FARP1: variants seen among roughly 807,000 people sequenced by gnomAD.
FARP1 encodes FERM, ARHGEF and pleckstrin domain-containing protein 1.
FARP1 carries 52 observed loss-of-function variants against 128.8 expected under a neutral mutation model. That is an observed-to-expected ratio of 0.40 (90% CI 0.32 to 0.51). The LOEUF is 0.51. FARP1 is among the 20% of genes least tolerant of loss of function. FARP1 has a pLI of 0.45. For synonymous variants in FARP1, 580 were observed against 551.8 expected (o/e 1.05, Z -0.72); for missense variants, 1,333 against 1,367.9 (o/e 0.97, Z 0.40).
rs887214343 is a variant in FARP1, at chr13:98,451,675, CTT to C, written c.*3359_*3360del. 3.3e-5 allele frequency: 5 copies of C among 152,280 alleles called. No homozygotes were observed. Among genetic ancestry groups the C allele is most frequent in the African/African-American group, 9.7e-5 (4 of 41,444 alleles). 9.4% of individuals were successfully genotyped at this position (152,280 alleles called of 1,614,324 possible). A position where few individuals can be genotyped will look rare whatever the true frequency, so the allele number is the denominator to read the frequency against. ...ACTTCCTTGCTTCCAAAAATCCTGT[CTT>C]AACTCCACAAGAACTGGCACACCCA... On this transcript the variant is annotated 3_prime_UTR_variant, in exon 27 of 27. Transcript: ENST00000319562.
chr13:98,231,239 T>C (rs1566771689), intron 2 of FARP1, among the ~76,000 whole-genome samples: 1 of 151,912 alleles, frequency 6.6e-6, no homozygotes, highest in Non-Finnish European at 1.5e-5. Flanking sequence ...GCCAAGCTGA[T>C]ATTTGGACGG....
At chr13:98,336,137 G>T (rs1375119370) in intron 2 of FARP1, among the ~76,000 whole-genome samples, 1 of 152,146 alleles carries the variant, frequency 6.6e-6, no homozygotes, top group Non-Finnish European at 1.5e-5. Flanking sequence ...ACCTATAGAA[G>T]GAATGGTGTC....
At chr13:98,361,182 G>A (rs772390450) in intron 3 of FARP1, among the ~76,000 whole-genome samples, 3 of 152,122 alleles carry the variant, frequency 2.0e-5, no homozygotes, top group Non-Finnish European at 4.4e-5. Context: ...TTCTCCCTCA[G>A]CTCTGCAATC....
intron 2 of FARP1, 142 bp downstream of exon 2, chr13:98,213,555 T>A: frequency 1.2e-6 from 1 of 818,290 alleles, no homozygotes; most frequent in Non-Finnish European, 1.9e-6. Context: ...CGCCCCCCAA[T>A]GGCCCCGCTG....
intron 1 of FARP1, among the ~76,000 whole-genome samples, chr13:98,212,986 G>T (rs2139325076): frequency 6.6e-6 from 1 of 152,236 alleles, no homozygotes; most frequent in African/African-American, 2.4e-5. Flanking sequence ...AACGAGAAAG[G>T]AATAAAATAT....
chr13:98,239,944 C>T (rs764971923), intron 2 of FARP1, among the ~76,000 whole-genome samples: 2 of 152,254 alleles, frequency 1.3e-5, no homozygotes, highest in South Asian at 2.1e-4. Flanking sequence ...CAGGTAACTT[C>T]ATCAGGAAGA....
chr13:98,181,503 G>A (rs1303132890), intron 1 of FARP1, among the ~76,000 whole-genome samples: 2 of 151,756 alleles, frequency 1.3e-5, no homozygotes, highest in Non-Finnish European at 2.9e-5. Context: ...ACTTGTTTGG[G>A]AAGAAGTGAT....
intron 2 of FARP1, among the ~76,000 whole-genome samples, chr13:98,230,023 G>A (rs1882024440): frequency 6.6e-6 from 1 of 152,148 alleles, no homozygotes; most frequent in African/African-American, 2.4e-5. Context: ...TTCCTAGCAG[G>A]CAGCCTGATG....
At chr13:98,147,782 G>T (rs1277088287) in intron 1 of FARP1, among the ~76,000 whole-genome samples, 1 of 151,678 alleles carries the variant, frequency 6.6e-6, no homozygotes, top group South Asian at 2.1e-4. Context: ...TCAGTCTCCC[G>T]AGTAGCTGTG....
intron 16 of FARP1, among the ~76,000 whole-genome samples, chr13:98,422,739 C>G (rs1404133829): frequency 6.6e-6 from 1 of 152,148 alleles, no homozygotes; most frequent in African/African-American, 2.4e-5. Flanking sequence ...TTGCCCTCTT[C>G]TGTTCGTCAG....
At chr13:98,190,813 C>A (rs1355071821) in intron 1 of FARP1, among the ~76,000 whole-genome samples, 1 of 150,516 alleles carries the variant, frequency 6.6e-6, no homozygotes, top group Admixed American at 6.6e-5. Flanking sequence ...TCCCAAAGTG[C>A]TTAGATTACA....
chr13:98,213,776 T>C (rs1880884852), intron 2 of FARP1, among the ~76,000 whole-genome samples: 1 of 152,186 alleles, frequency 6.6e-6, no homozygotes, highest in Non-Finnish European at 1.5e-5. Context: ...TTACTGGTCA[T>C]AGACAATTCC....
chr13:98,278,820 G>GTTATTTAT (rs370815386), intron 2 of FARP1, among the ~76,000 whole-genome samples: 6,407 of 151,402 alleles, frequency 0.042, 443 homozygotes, highest in African/African-American at 0.15. Context: ...TCATTTTAAT[G>GTTATTTAT]TTATTTATTT....
chr13:98,323,072 A>G (rs577305024), intron 2 of FARP1, among the ~76,000 whole-genome samples: 1 of 152,346 alleles, frequency 6.6e-6, no homozygotes, highest in South Asian at 2.1e-4. Context: ...AACATTAAAC[A>G]TTACTTAAAA....
chr13:98,154,981 G>A (rs919162604), intron 1 of FARP1, among the ~76,000 whole-genome samples: 3 of 152,140 alleles, frequency 2.0e-5, no homozygotes, highest in Non-Finnish European at 4.4e-5. Flanking sequence ...GGAGGCTGAA[G>A]GTAGAGGATC....
At chr13:98,268,704 G>T (rs1884246910) in intron 2 of FARP1, among the ~76,000 whole-genome samples, 1 of 151,932 alleles carries the variant, frequency 6.6e-6, no homozygotes. Context: ...CTGACCTCAA[G>T]TGATCCTCTT....
intron 2 of FARP1, among the ~76,000 whole-genome samples, chr13:98,284,418 G>C (rs1350161696): frequency 2.0e-5 from 3 of 151,948 alleles, no homozygotes; most frequent in Non-Finnish European, 2.9e-5. Context: ...CTCACCTCAC[G>C]GTACCTAGGC....
At chr13:98,287,718 C>T (rs1885253031) in intron 2 of FARP1, among the ~76,000 whole-genome samples, 1 of 150,818 alleles carries the variant, frequency 6.6e-6, no homozygotes, top group Non-Finnish European at 1.5e-5. Context: ...CATGCATAAT[C>T]TTTAAAAAAA....
intron 2 of FARP1, among the ~76,000 whole-genome samples, chr13:98,269,733 C>G (rs575473247): frequency 1.3e-5 from 2 of 152,206 alleles, no homozygotes; most frequent in South Asian, 4.1e-4. Context: ...TTCTTAACTA[C>G]TGGGACTATA....
Sources: allele counts gnomAD v4.1 joint callset (sites outside exome capture counted in the v4.1 genomes callset), GRCh38; gene constraint gnomAD v4.1.1; transcripts MANE v1.5; gene names NCBI Gene and HGNC (gene_info 2026-07-23, HGNC 2026-07-21).